SEMA3C: variants seen among roughly 807,000 people sequenced by gnomAD.
The protein encoded by SEMA3C is semaphorin 3C, also known as semaphorin-3C.
SEMA3C carries 47 observed loss-of-function variants against 89.4 expected under a neutral mutation model. That is an observed-to-expected ratio of 0.53 (90% confidence interval 0.42 to 0.67). The LOEUF (loss-of-function observed/expected upper bound fraction) is 0.67. Ranked by LOEUF, SEMA3C falls within the 30% of genes least tolerant of loss-of-function variation. The pLI, the probability that SEMA3C is intolerant of heterozygous loss-of-function variation, is 0.00. For missense variants in SEMA3C, 839 were observed against 929.1 expected (o/e 0.90, Z 1.26); for synonymous variants, 310 against 320.2 (o/e 0.97, Z 0.34).
At chr7:80,832,346 C>T (rs968031296) in intron 2 of SEMA3C, among the ~76,000 whole-genome samples, 10 of 152,108 alleles carry the variant, frequency 6.6e-5, no homozygotes, top group African/African-American at 2.4e-4. Context: ...AATAATAATA[C>T]TGAACTCAAA....
intron 10 of SEMA3C, among the ~76,000 whole-genome samples, chr7:80,799,388 T>A (rs13224537): frequency 6.6e-6 from 1 of 152,084 alleles, no homozygotes; most frequent in African/African-American, 2.4e-5. Context: ...ACAGCTTAAC[T>A]CTAAGGAATA....
intron 6 of SEMA3C, among the ~76,000 whole-genome samples, chr7:80,807,422 T>C (rs1789368032): frequency 6.6e-6 from 1 of 152,210 alleles, no homozygotes; most frequent in Non-Finnish European, 1.5e-5. Flanking sequence ...ATTTCCTATC[T>C]TAAATTCGCA....
intron 2 of SEMA3C, among the ~76,000 whole-genome samples, chr7:80,838,373 C>A (rs985276560): frequency 2.6e-5 from 4 of 152,112 alleles, no homozygotes; most frequent in Non-Finnish European, 5.9e-5. Flanking sequence ...AAAATAATTC[C>A]TTTTTCACTG....
At chr7:80,891,915 T>C (rs1160142631) in intron 2 of SEMA3C, among the ~76,000 whole-genome samples, 2 of 152,166 alleles carry the variant, frequency 1.3e-5, no homozygotes, top group Non-Finnish European at 2.9e-5. Context: ...AGTTTTATAA[T>C]TCAAACAAGA....
intron 2 of SEMA3C, among the ~76,000 whole-genome samples, chr7:80,913,636 A>C (rs2116248572): frequency 6.6e-6 from 1 of 152,346 alleles, no homozygotes; most frequent in Middle Eastern, 3.4e-3. Flanking sequence ...TTTGGCATAA[A>C]ATAAGAGTTA....
At chr7:80,812,346 G>A (rs1789488459) in intron 5 of SEMA3C, among the ~76,000 whole-genome samples, 2 of 152,174 alleles carry the variant, frequency 1.3e-5, no homozygotes, top group African/African-American at 2.4e-5. Context: ...AGACCACGTA[G>A]TTAAAGGCTG....
At chr7:80,810,225 A>T (rs1789435627) in intron 6 of SEMA3C, among the ~76,000 whole-genome samples, 1 of 152,186 alleles carries the variant, frequency 6.6e-6, no homozygotes, top group Non-Finnish European at 1.5e-5. Flanking sequence ...TTATTTGTCA[A>T]CTAAAAACAA....
intron 2 of SEMA3C, among the ~76,000 whole-genome samples, chr7:80,860,459 G>T (rs1167984695): frequency 6.6e-6 from 1 of 152,010 alleles, no homozygotes; most frequent in Admixed American, 6.6e-5. Flanking sequence ...AGATCCAACT[G>T]CACCCCTTAA....
chr7:80,758,599 G>A (rs1340211731), intron 14 of SEMA3C, 111 bp from the exon 15 acceptor site: 26 of 1,097,368 alleles, frequency 2.4e-5, no homozygotes, highest in South Asian at 5.4e-5. Flanking sequence ...TTTTGGAACC[G>A]ATTAAAAACA....
intron 2 of SEMA3C, among the ~76,000 whole-genome samples, chr7:80,870,114 C>T (rs1427427938): frequency 6.6e-6 from 1 of 152,154 alleles, no homozygotes; most frequent in Non-Finnish European, 1.5e-5. Flanking sequence ...TCTTATGTTT[C>T]CACTGCACGG....
chr7:80,793,962 T>C (rs1002055277), intron 11 of SEMA3C, among the ~76,000 whole-genome samples: 2 of 151,976 alleles, frequency 1.3e-5, no homozygotes, highest in African/African-American at 2.4e-5. Context: ...GAAATTTGTA[T>C]ACTGAGAAAA....
chr7:80,790,821 A>G (rs968546296), intron 11 of SEMA3C, among the ~76,000 whole-genome samples: 1 of 152,052 alleles, frequency 6.6e-6, no homozygotes, highest in African/African-American at 2.4e-5. Context: ...CTCCCTCTAG[A>G]ACTGCCTGTT....
intron 2 of SEMA3C, among the ~76,000 whole-genome samples, chr7:80,849,454 T>A (rs1192582279): frequency 6.6e-6 from 1 of 151,130 alleles, no homozygotes. Context: ...TTTATCATTA[T>A]CTCTATTTCA....
rs111951447 is a variant in SEMA3C, at chr7:80,791,749, A to G, written c.1132-2221T>C. Among the ~76,000 whole-genome samples, 51 of 152,290 alleles carry G rather than the reference A, an allele frequency of 3.3e-4. 2 individuals carry two copies. The highest frequency in any genetic ancestry group is 1.2e-3 in the African/African-American group (49 of 41,572). On this transcript the variant is annotated intron_variant, in intron 11 of 17. Transcript: ENST00000265361. Reference sequence around the variant, plus strand: ...TTGACTCAGTAAAAAAAGAACAGCAACATGGGGGGCCAAACAAAATATGAC... The same window carrying G: ...TTGACTCAGTAAAAAAAGAACAGCAGCATGGGGGGCCAAACAAAATATGAC...
intron 12 of SEMA3C, among the ~76,000 whole-genome samples, chr7:80,773,142 T>C (rs1788471600): frequency 6.6e-6 from 1 of 152,192 alleles, no homozygotes; most frequent in Non-Finnish European, 1.5e-5. Context: ...AAAATAGAAA[T>C]GTTACAATTT....
intron 12 of SEMA3C, among the ~76,000 whole-genome samples, chr7:80,776,149 A>G (rs1788544940): frequency 6.6e-6 from 1 of 152,106 alleles, no homozygotes; most frequent in South Asian, 2.1e-4. Context: ...AACACCGTAT[A>G]TGTACAAGAC....
At chr7:80,807,399 T>C (rs771724574) in intron 6 of SEMA3C, among the ~76,000 whole-genome samples, 1 of 152,162 alleles carries the variant, frequency 6.6e-6, no homozygotes. Flanking sequence ...AGCCTGCACA[T>C]CTAATTGGCT....
intron 2 of SEMA3C, among the ~76,000 whole-genome samples, chr7:80,830,734 C>T (rs758829011): frequency 2.6e-5 from 4 of 152,132 alleles, no homozygotes; most frequent in Non-Finnish European, 5.9e-5. Context: ...AGCCTGATAA[C>T]CTTCCAGTTA....
chr7:80,919,383 C>G, upstream of SEMA3C: 2 of 985,336 alleles, frequency 2.0e-6, no homozygotes, highest in Non-Finnish European at 2.4e-6. Context: ...TGGGTGCGCT[C>G]CACGGTTTTT....
Sources: allele counts gnomAD v4.1 joint callset (sites outside exome capture counted in the v4.1 genomes callset), GRCh38; gene constraint gnomAD v4.1.1; transcripts MANE v1.5; gene names NCBI Gene and HGNC (gene_info 2026-07-23, HGNC 2026-07-21).